POLR2D: variants seen among roughly 807,000 people sequenced by gnomAD.
The protein encoded by POLR2D is DNA-directed RNA polymerase II subunit RPB4.
Under a neutral mutation model 17.6 loss-of-function variants are expected in POLR2D, and 10 were observed. That is an observed-to-expected ratio of 0.57 (90% CI 0.35 to 0.96). POLR2D has a LOEUF of 0.96. Among genes scored for constraint, POLR2D ranks in the 40% least tolerant of loss-of-function variants. The pLI, the probability that POLR2D is intolerant of heterozygous loss-of-function variation, is 0.02. For synonymous variants in POLR2D, 52 were observed against 60.2 expected (o/e 0.86, Z 0.63); for missense variants, 126 against 176.4 (o/e 0.71, Z 1.62).
At position 127,846,330 on chromosome 2, in the gene POLR2D, A is replaced by C. The variant is rs1190581950; in HGVS notation, c.*1777T>G. ...AAACATAAAACCATCCTGATTTTAAAAGCCAACACTGTTCTTTCTCCTTTT... is the reference window on the plus strand; with the variant it reads ...AAACATAAAACCATCCTGATTTTAACAGCCAACACTGTTCTTTCTCCTTTT... On this transcript the variant is annotated 3_prime_UTR_variant, in exon 4 of 4. Transcript: ENST00000272645. 6.6e-6 allele frequency: 1 copy of C among 152,214 alleles called. No homozygotes were observed. The highest frequency in any genetic ancestry group is 2.4e-5 in the African/African-American group (1 of 41,468). The allele number at this position is 152,214 out of a possible 1,614,324, so 9.4% of individuals were successfully genotyped here.
Position 127,852,020 on chromosome 2 carries a change from C to G in POLR2D, c.254+905G>C, listed in dbSNP as rs1235811701. 3.9e-5 allele frequency among the ~76,000 whole-genome samples: 6 copies of G among 152,104 alleles called. No homozygotes were observed. Among genetic ancestry groups the G allele is most frequent in the African/African-American group, 1.4e-4 (6 of 41,396 alleles). The stretch of plus-strand genomic sequence containing the variant: ...GTCAGGCTGGTCTTGAACTCCTGAC[C>G]GCAAGAGATGTGCCCATCTTGGTCT... On this transcript the variant is annotated intron_variant, in intron 2 of 3. Transcript: ENST00000272645. The surrounding 1 kb of genome is among the most constrained non-coding windows in gnomAD (Gnocchi z 4.0).
Position 127,845,755 on chromosome 2 carries a change from G to C in POLR2D, c.*2352C>G, listed in dbSNP as rs1690143689. 6.6e-6 allele frequency: 1 copy of C among 152,142 alleles called. No homozygotes were observed. Among genetic ancestry groups the C allele is most frequent in the Non-Finnish European group, 1.5e-5 (1 of 68,046 alleles). The allele number at this position is 152,142 out of a possible 1,614,324, so 9.4% of individuals were successfully genotyped here. The stretch of plus-strand genomic sequence containing the variant: ...TGCACTAATTTCTATGAAGCAAGCT[G>C]ACTTAATCATCTATCTATACTAGCT... On this transcript the variant is annotated 3_prime_UTR_variant, in exon 4 of 4. Transcript: ENST00000272645.
intron 3 of POLR2D, among the ~76,000 whole-genome samples, chr2:127,849,561 C>T (rs965625677): frequency 1.3e-5 from 2 of 152,156 alleles, no homozygotes; most frequent in African/African-American, 4.8e-5. Context: ...TAAGAAATGG[C>T]ATCATACTGT....
intron 1 of POLR2D, among the ~76,000 whole-genome samples, chr2:127,857,317 CAATCAATA>C (rs974599602): frequency 1.4e-4 from 22 of 152,220 alleles, no homozygotes; most frequent in East Asian, 1.2e-3. Context: ...GACCCTATCT[CAATCAATA>C]AATCAATAAA....
At position 127,852,871 on chromosome 2, in the gene POLR2D, TACA is replaced by T; in HGVS notation, c.254+51_254+53del. 8.2e-7 allele frequency: 1 copy of T among 1,223,090 alleles called. No homozygotes were observed. The highest frequency in any genetic ancestry group is 1.2e-6 in the Non-Finnish European group (1 of 840,856). The allele number at this position is 1,223,090 out of a possible 1,614,324, so 75.8% of individuals were successfully genotyped here. The stretch of plus-strand genomic sequence containing the variant: ...GGGAAAGGGGGAGGGGACAGCATTC[TACA>T]TGCAGTTGTCCAATGGTTTGGATTA... On this transcript the variant is annotated intron_variant, in intron 2 of 3. Transcript: ENST00000272645. The surrounding 1 kb of genome is among the most constrained non-coding windows in gnomAD (Gnocchi z 4.0).
At chr2:127,848,673 C>G (rs1209617495) in intron 3 of POLR2D, among the ~76,000 whole-genome samples, 1 of 152,218 alleles carries the variant, frequency 6.6e-6, no homozygotes, top group Non-Finnish European at 1.5e-5. Context: ...CCCGCCACCA[C>G]GCCCAGCTAA....
intron 1 of POLR2D, among the ~76,000 whole-genome samples, chr2:127,855,417 A>G (rs867384652): frequency 1.4e-4 from 21 of 148,124 alleles, no homozygotes; most frequent in South Asian, 4.2e-4. Flanking sequence ...AAAAAAAAAA[A>G]AGAGAGATGG....
At position 127,858,114 on chromosome 2, in the gene POLR2D, C is replaced by T. The variant is rs910196619; in HGVS notation, c.-14G>A. 27 of 1,476,412 alleles carry T rather than the reference C, an allele frequency of 1.8e-5. No homozygotes were observed. Among genetic ancestry groups the T allele is most frequent in the East Asian group, 8.8e-5 (3 of 34,264 alleles). The allele number at this position is 1,476,412 out of a possible 1,614,324, so 91.5% of individuals were successfully genotyped here. A position where few individuals can be genotyped will look rare whatever the true frequency, so the allele number is the denominator to read the frequency against. ...ACCCGCCGCCATCGCCGCGCCGCGC[C>T]GCGCGCCACCACCAGCGCCGCCGGA... On this transcript the variant is annotated 5_prime_UTR_variant, in exon 1 of 4. Transcript: ENST00000272645.
At chr2:127,848,709 G>A (rs951401303) in intron 3 of POLR2D, among the ~76,000 whole-genome samples, 5 of 152,164 alleles carry the variant, frequency 3.3e-5, no homozygotes, top group Admixed American at 3.3e-4. Flanking sequence ...GTAGAGACAG[G>A]GTTTCACTGT....
At position 127,853,095 on chromosome 2, in the gene POLR2D, T is replaced by C. The variant is rs1242366356; in HGVS notation, c.84A>G (p.Thr28=). The change falls in exon 2 of 4, where the codon ACA becomes ACG. Residue 28 remains threonine (T), a synonymous_variant. Coordinates refer to ENST00000272645, the MANE Select transcript of POLR2D (RefSeq NM_004805.4). ...CTTCTGAATTTAGAAGTGTCTCAGC[T>C]GTTTCAAACTCTATTTGTAAGAAGC... is the stretch of plus-strand genomic sequence containing the variant. The part of the protein sequence containing the change: ...SQLIFPKEFE[T]AETLLNSEVH... 6.2e-7 allele frequency: 1 copy of C among 1,608,646 alleles called. No homozygotes were observed. The highest frequency in any genetic ancestry group is 8.5e-7 in the Non-Finnish European group (1 of 1,178,266).
chr2:127,850,561 A>T, intron 3 of POLR2D, 29 bp downstream of exon 3: 2 of 940,562 alleles, frequency 2.1e-6, no homozygotes, highest in Non-Finnish European at 3.4e-6. Flanking sequence ...TATCCAGTAT[A>T]CAGAGAACTT....
At chr2:127,855,415 AAAAG>A (rs1690311813) in intron 1 of POLR2D, among the ~76,000 whole-genome samples, 1 of 151,700 alleles carries the variant, frequency 6.6e-6, no homozygotes, top group Non-Finnish European at 1.5e-5. Flanking sequence ...AAAAAAAAAA[AAAAG>A]AGAGATGGTC....
Position 127,844,332 on chromosome 2 carries a change from A to G in POLR2D, c.*3775T>C, listed in dbSNP as rs2104718710. ...TACCCAGTCTAAGGTATTCTGTTAC[A>G]GCGCAGGAACAAACTAAGACACTAA... is the stretch of plus-strand genomic sequence containing the variant. On this transcript the variant is annotated 3_prime_UTR_variant, in exon 4 of 4. Coordinates refer to ENST00000272645, the MANE Select transcript of POLR2D (RefSeq NM_004805.4). 6.6e-6 allele frequency: 1 copy of G among 152,334 alleles called. No homozygotes were observed. The highest frequency in any genetic ancestry group is 1.9e-4 in the East Asian group (1 of 5,186). 9.4% of individuals were successfully genotyped at this position (152,334 alleles called of 1,614,324 possible).
In POLR2D at chr2:127,857,962, C is replaced by T. The variant is rs1690367400; in HGVS notation, c.73+66G>A. On this transcript the variant is annotated intron_variant, in intron 1 of 3. Coordinates refer to ENST00000272645, the MANE Select transcript of POLR2D (RefSeq NM_004805.4). ...GAGGCAGGGCCTTGGGCGAAGCGCGCATAACGCCAGGCCTGCGGCGACCAC... is the reference window on the plus strand; with the variant it reads ...GAGGCAGGGCCTTGGGCGAAGCGCGTATAACGCCAGGCCTGCGGCGACCAC... 5 of 1,546,678 alleles carry T rather than the reference C, an allele frequency of 3.2e-6. No individual in the cohort carries two copies. In the Admixed American group the frequency reaches 9.6e-5, roughly 30 times the overall value.
Position 127,848,080 on chromosome 2 carries a change from T to G in POLR2D, c.*27A>C, listed in dbSNP as rs13382312. On this transcript the variant is annotated 3_prime_UTR_variant, in exon 4 of 4. Coordinates refer to ENST00000272645, the MANE Select transcript of POLR2D (RefSeq NM_004805.4). ...TGGTGTTATGCCTGGGGATGTGGTT[T>G]CTCCGAGCAGCAGTGATGTTTGGAG... 7,039 of 1,501,362 alleles carry G rather than the reference T, an allele frequency of 4.7e-3. 276 individuals are homozygous for G. In the African/African-American group the frequency reaches 0.084, roughly 18 times the overall value. 93.0% of individuals were successfully genotyped at this position (1,501,362 alleles called of 1,614,324 possible).
At position 127,852,842 on chromosome 2, in the gene POLR2D, A is replaced by T; in HGVS notation, c.254+83T>A. ...TATTTTACTTAAATTCACAAGTGAC[A>T]CCTGGGAAAGGGGGAGGGGACAGCA... is the stretch of plus-strand genomic sequence containing the variant. On this transcript the variant is annotated intron_variant, in intron 2 of 3. Coordinates refer to ENST00000272645, the MANE Select transcript of POLR2D (RefSeq NM_004805.4). The surrounding 1 kb of genome is among the most constrained non-coding windows in gnomAD (Gnocchi z 4.0). 1 of 932,196 alleles carries T rather than the reference A, an allele frequency of 1.1e-6. No individual in the cohort carries two copies. The highest frequency in any genetic ancestry group is 1.7e-6 in the Non-Finnish European group (1 of 593,922). The allele number at this position is 932,196 out of a possible 1,614,324, so 57.7% of individuals were successfully genotyped here.
chr2:127,849,259 T>G (rs868196210), intron 3 of POLR2D, among the ~76,000 whole-genome samples: 22 of 151,698 alleles, frequency 1.5e-4, no homozygotes, highest in African/African-American at 5.3e-4. Context: ...GCCAGGATGG[T>G]CTCAACCTCC....
At chr2:127,848,256 C>T in intron 3 of POLR2D, 71 bp from the exon 4 acceptor site, 1 of 899,780 alleles carries the variant, frequency 1.1e-6, no homozygotes, top group Non-Finnish European at 1.8e-6. Context: ...TTGAGGCGTG[C>T]TAATCTACTG....
rs1690126421 is a variant in POLR2D at position 127,844,922 on chromosome 2, GGGATTACA to G, written c.*3177_*3184del. The G allele has an allele frequency of 6.6e-6, 1 of 152,172 alleles. No homozygotes were observed. Among genetic ancestry groups the G allele is most frequent in the African/African-American group, 2.4e-5 (1 of 41,426 alleles). 9.4% of individuals were successfully genotyped at this position (152,172 alleles called of 1,614,324 possible). A position where few individuals can be genotyped will look rare whatever the true frequency, so the allele number is the denominator to read the frequency against. On this transcript the variant is annotated 3_prime_UTR_variant, in exon 4 of 4. Coordinates refer to ENST00000272645, the MANE Select transcript of POLR2D (RefSeq NM_004805.4). The stretch of plus-strand genomic sequence containing the variant: ...ACCCGCCTCGGCCTCCCAAAGTGCT[GGGATTACA>G]GGTGTGAGCCACCGCGCCCAACTGT...
Sources: gnomAD v4.1 joint callset for allele counts (sites outside exome capture counted in the v4.1 genomes callset) on GRCh38, gnomAD v4.1.1 for gene constraint, Gnocchi (gnomAD v3.1) non-coding constraint, MANE v1.5 for transcripts, NCBI Gene and HGNC (gene_info 2026-07-23, HGNC 2026-07-21) for gene names.